The following UGGT2 variants were observed in gnomAD, a reference collection of about 807,000 sequenced individuals.
UGGT2 encodes UDP-glucose glycoprotein glucosyltransferase 2, also known as UDP-glucose:glycoprotein glucosyltransferase 2.
UGGT2 carries 180 observed loss-of-function variants against 192.1 expected under a neutral mutation model. The observed-to-expected ratio is 0.94, with a 90% CI of 0.83 to 1.06. The LOEUF is 1.06. Ranked by LOEUF, UGGT2 falls within the 50% of genes least tolerant of loss-of-function variation. UGGT2 has a pLI of 0.00. For missense variants in UGGT2, 1,849 were observed against 1,795.7 expected, an observed-to-expected ratio of 1.03 and a Z score of -0.54; for synonymous variants, 580 against 591.0, an observed-to-expected ratio of 0.98 and a Z score of 0.27.
chr13:95,942,221 GGTGT>G (rs370041064), intron 15 of UGGT2, among the ~76,000 whole-genome samples: 7,622 of 117,706 alleles, frequency 0.065, 267 homozygotes, highest in Middle Eastern at 0.11. Flanking sequence ...TTAGGGTGAG[GGTGT>G]GTGTGTGTGT....
chr13:95,901,147 A>G (rs1403906637), intron 21 of UGGT2, among the ~76,000 whole-genome samples: 1 of 152,108 alleles, frequency 6.6e-6, no homozygotes, highest in Non-Finnish European at 1.5e-5. Context: ...TTACAAGTTG[A>G]TACAGTTTGC....
rs926933789 is a variant in UGGT2, at chr13:95,972,334, T to G, written c.1184+246A>C. Among the ~76,000 whole-genome samples the G allele has an allele frequency of 2.6e-5, 4 of 152,210 alleles. No homozygotes were observed. The South Asian group carries it at 8.3e-4, about 32-fold the overall frequency. ...CAATCTACTCTTCAATAAGAGACAGTTTAGAATAACAAAGTAATTATAGGT... is the reference window on the plus strand; with the variant it reads ...CAATCTACTCTTCAATAAGAGACAGGTTAGAATAACAAAGTAATTATAGGT... On this transcript the variant is annotated intron_variant, in intron 11 of 38. Transcript: ENST00000376747.
intron 12 of UGGT2, among the ~76,000 whole-genome samples, chr13:95,958,848 TGTAA>T (rs139715537): frequency 0.013 from 1,948 of 152,198 alleles, 39 homozygotes; most frequent in African/African-American, 0.045. Flanking sequence ...GCAAGGAAAG[TGTAA>T]GTGAGAGACC....
intron 10 of UGGT2, among the ~76,000 whole-genome samples, chr13:95,982,003 G>T (rs1325874362): frequency 6.6e-6 from 1 of 152,168 alleles, no homozygotes; most frequent in Non-Finnish European, 1.5e-5. Flanking sequence ...AAGACTATCT[G>T]CAGTGTCATG....
intron 8 of UGGT2, among the ~76,000 whole-genome samples, chr13:95,988,779 A>C (rs139854890): frequency 3.9e-5 from 6 of 152,150 alleles, no homozygotes; most frequent in Admixed American, 6.6e-5. Flanking sequence ...TATTCTGTTA[A>C]GTGTATATAA....
rs2051155096 is a variant in UGGT2, at chr13:95,982,398, A to C, written c.1092+1406T>G. Among the ~76,000 whole-genome samples the C allele has an allele frequency of 3.9e-5, 6 of 152,240 alleles. No homozygotes were observed. The South Asian group carries it at 1.2e-3, about 32-fold the overall frequency. On this transcript the variant is annotated intron_variant, in intron 10 of 38. Transcript: ENST00000376747. ...CAGGCATGTTCAAAACGGCAGCTCCATCTTCCCTTCTTTCCAGTCCACATG... is the reference window on the plus strand; with the variant it reads ...CAGGCATGTTCAAAACGGCAGCTCCCTCTTCCCTTCTTTCCAGTCCACATG...
At chr13:95,931,108 G>C (rs562717574) in intron 17 of UGGT2, among the ~76,000 whole-genome samples, 47 of 152,238 alleles carry the variant, frequency 3.1e-4, no homozygotes, top group African/African-American at 1.0e-3. Context: ...GTTTTACAGA[G>C]AGCTGATTGG....
chr13:95,957,654 C>A (rs1370457824), intron 12 of UGGT2, among the ~76,000 whole-genome samples: 1 of 152,218 alleles, frequency 6.6e-6, no homozygotes, highest in Admixed American at 6.5e-5. Context: ...CTCCTCCACA[C>A]ACAGAGTGAC....
chr13:96,001,426 C>T (rs2051799959), intron 5 of UGGT2, among the ~76,000 whole-genome samples: 1 of 152,110 alleles, frequency 6.6e-6, no homozygotes, highest in Non-Finnish European at 1.5e-5. Context: ...TATAAAACGG[C>T]CCCACCCCAT....
chr13:95,814,346 C>A (rs1884715859), intron 38 of UGGT2, among the ~76,000 whole-genome samples: 1 of 152,162 alleles, frequency 6.6e-6, no homozygotes, highest in Admixed American at 6.6e-5. Context: ...GCTTTGGGAG[C>A]CCACCCTTCA....
At chr13:95,972,445 G>C in intron 11 of UGGT2, 135 bp downstream of exon 11, 1 of 804,822 alleles carries the variant, frequency 1.2e-6, no homozygotes, top group African/African-American at 1.7e-5. Flanking sequence ...TTTGGTAGAA[G>C]AAAGCTGTTT....
At position 96,032,010 on chromosome 13, in the gene UGGT2, T is replaced by C. The variant is rs375335510; in HGVS notation, c.159-39A>G. 3.1e-5 allele frequency: 45 copies of C among 1,469,422 alleles called. No homozygotes were observed. The African/African-American group carries it at 5.1e-4, about 17-fold the overall frequency. The allele number at this position is 1,469,422 out of a possible 1,614,324, so 91.0% of individuals were successfully genotyped here. A position where few individuals can be genotyped will look rare whatever the true frequency, so the allele number is the denominator to read the frequency against. On this transcript the variant is annotated intron_variant, in intron 1 of 38. Coordinates refer to ENST00000376747, the MANE Select transcript of UGGT2 (RefSeq NM_020121.4). ...AGAAGTAATCGGTTAGTAGATGGAATTTAAAATGGTTTAGATACTATAAAC... is the reference window on the plus strand; with the variant it reads ...AGAAGTAATCGGTTAGTAGATGGAACTTAAAATGGTTTAGATACTATAAAC...
intron 20 of UGGT2, among the ~76,000 whole-genome samples, chr13:95,907,520 T>C (rs1022245474): frequency 6.6e-6 from 1 of 152,148 alleles, no homozygotes. Flanking sequence ...ACACCTCATA[T>C]AGGCAGCTGC....
chr13:95,835,670 G>T (rs187094527), intron 37 of UGGT2, among the ~76,000 whole-genome samples: 1 of 151,680 alleles, frequency 6.6e-6, no homozygotes, highest in African/African-American at 2.4e-5. Flanking sequence ...TAGCTTATTC[G>T]TCAGTGAAGA....
rs561164374 is a variant in UGGT2, at chr13:95,991,559, A to C, written c.831-1486T>G. The C allele has an allele frequency of 8.1e-4, 266 of 326,810 alleles. 1 individual carries two copies. The highest frequency in any genetic ancestry group is 5.6e-3 in the African/African-American group (262 of 46,482). The allele number at this position is 326,810 out of a possible 1,614,324, so 20.2% of individuals were successfully genotyped here. ...AATAAATATATATAGTACAGTGTCA[A>C]TATCTTACAGGTTTACTACAATGTG... On this transcript the variant is annotated intron_variant, in intron 7 of 38. Coordinates refer to ENST00000376747, the MANE Select transcript of UGGT2 (RefSeq NM_020121.4).
rs937569825 is a variant in UGGT2 at position 95,925,670 on chromosome 13, A to G, written c.2295+10T>C. The G allele has an allele frequency of 4.7e-6, 7 of 1,490,544 alleles. No individual in the cohort carries two copies. The highest frequency in any genetic ancestry group is 2.1e-5 in the Admixed American group (1 of 48,140). 92.3% of individuals were successfully genotyped at this position (1,490,544 alleles called of 1,614,324 possible). ...ATTAAAATTGTTAGTAAGAATATCT[A>G]GGTACTCACCATGTGCTTTAATGCA... On this transcript the variant is annotated intron_variant, in intron 20 of 38. Coordinates refer to ENST00000376747, the MANE Select transcript of UGGT2 (RefSeq NM_020121.4).
At chr13:96,029,597 C>T (rs2052771149) in intron 2 of UGGT2, among the ~76,000 whole-genome samples, 2 of 152,106 alleles carry the variant, frequency 1.3e-5, no homozygotes, top group South Asian at 2.1e-4. Flanking sequence ...GTAATTCCTA[C>T]TTTAATACAA....
intron 36 of UGGT2, among the ~76,000 whole-genome samples, chr13:95,852,034 AG>A (rs1399820246): frequency 6.6e-6 from 1 of 152,156 alleles, no homozygotes; most frequent in Admixed American, 6.5e-5. Context: ...GACCCTATTT[AG>A]TCTGTAAACA....
intron 1 of UGGT2, among the ~76,000 whole-genome samples, chr13:96,045,269 T>C (rs1030479320): frequency 6.6e-6 from 1 of 152,076 alleles, no homozygotes; most frequent in African/African-American, 2.4e-5. Flanking sequence ...GAAAAAGCAT[T>C]TGACAAAATC....
Sources: gnomAD v4.1 joint callset for allele counts (sites outside exome capture counted in the v4.1 genomes callset) on GRCh38, gnomAD v4.1.1 for gene constraint, MANE v1.5 for transcripts, NCBI Gene and HGNC (gene_info 2026-07-23, HGNC 2026-07-21) for gene names.